Variants in ZNRF3 observed in about 807,000 individuals in gnomAD.
The protein encoded by ZNRF3 is E3 ubiquitin-protein ligase ZNRF3.
A neutral mutation model predicts 72.5 loss-of-function variants in ZNRF3; 23 were observed. That is an observed-to-expected ratio of 0.32 (90% CI 0.23 to 0.45). The LOEUF (loss-of-function observed/expected upper bound fraction) is 0.45. Among genes scored for constraint, ZNRF3 ranks in the 20% least tolerant of loss-of-function variants. The pLI is 1.00. For synonymous variants in ZNRF3, 610 were observed against 545.3 expected (o/e 1.12, Z -1.65); for missense variants, 1,169 against 1,272.1 (o/e 0.92, Z 1.23).
intron 1 of ZNRF3, among the ~76,000 whole-genome samples, chr22:28,935,462 C>G (rs1207145685): frequency 6.6e-6 from 1 of 152,180 alleles, no homozygotes; most frequent in African/African-American, 2.4e-5. Context: ...GTGCTCTGCC[C>G]ATGTCCTCAG....
intron 1 of ZNRF3, among the ~76,000 whole-genome samples, chr22:28,887,164 T>G (rs991483643): frequency 6.6e-6 from 1 of 151,928 alleles, no homozygotes; most frequent in Non-Finnish European, 1.5e-5. Flanking sequence ...AATTCTAAGA[T>G]AAGGAATTCG....
intron 2 of ZNRF3, among the ~76,000 whole-genome samples, chr22:29,028,482 A>G (rs2036686085): frequency 6.6e-6 from 1 of 152,210 alleles, no homozygotes; most frequent in African/African-American, 2.4e-5. Flanking sequence ...GAAATATAAT[A>G]CTTACATAAG....
chr22:28,918,563 TG>T (rs2034452270), intron 1 of ZNRF3, among the ~76,000 whole-genome samples: 1 of 151,682 alleles, frequency 6.6e-6, no homozygotes, highest in Admixed American at 6.6e-5. Context: ...TGTGTGTGTG[TG>T]TGTGTGTGTG....
intron 8 of ZNRF3, among the ~76,000 whole-genome samples, chr22:29,053,042 C>T (rs971483813): frequency 1.3e-5 from 2 of 152,100 alleles, no homozygotes; most frequent in South Asian, 4.2e-4. Context: ...CTGATGAGCT[C>T]CTGGTTCACT....
intron 4 of ZNRF3, among the ~76,000 whole-genome samples, chr22:29,044,260 G>A (rs1440474810): frequency 6.6e-6 from 1 of 152,046 alleles, no homozygotes; most frequent in Non-Finnish European, 1.5e-5. Flanking sequence ...GAGGGAGTTT[G>A]CTGAACTGAC....
chr22:29,019,279 G>A (rs1282890930), intron 2 of ZNRF3, among the ~76,000 whole-genome samples: 1 of 152,050 alleles, frequency 6.6e-6, no homozygotes, highest in African/African-American at 2.4e-5. Flanking sequence ...CTTGATGGGA[G>A]GAATCATAAA....
chr22:28,926,760 C>T lies in ZNRF3; in HGVS notation c.300+42694C>T, dbSNP rs1326246411. On this transcript the variant is annotated intron_variant, in intron 1 of 8. Coordinates refer to ENST00000544604, the MANE Select transcript of ZNRF3 (RefSeq NM_001206998.2). The stretch of plus-strand genomic sequence containing the variant: ...GTTACAGTGAGCCAAGATTGCACCA[C>T]TGCACTCCAGCTTGGGCAATGAGCG... Among the ~76,000 whole-genome samples the T allele has an allele frequency of 2.9e-4, 42 of 146,850 alleles. 1 individual carries two copies. The highest frequency in any genetic ancestry group is 1.8e-3 in the Admixed American group (26 of 14,706).
intron 2 of ZNRF3, among the ~76,000 whole-genome samples, chr22:29,034,146 A>G (rs2036819294): frequency 6.6e-6 from 1 of 152,180 alleles, no homozygotes; most frequent in East Asian, 1.9e-4. Context: ...GCTGCTTGCT[A>G]AGCAAGGTCT....
At chr22:28,904,085 G>GA (rs147841078) in intron 1 of ZNRF3, among the ~76,000 whole-genome samples, 21 of 149,004 alleles carry the variant, frequency 1.4e-4, no homozygotes, top group Middle Eastern at 6.8e-3. Context: ...GTCTAAACTG[G>GA]AAAAAAAAAA....
chr22:28,888,705 C>T (rs1208450140), intron 1 of ZNRF3, among the ~76,000 whole-genome samples: 2 of 152,202 alleles, frequency 1.3e-5, no homozygotes, highest in African/African-American at 4.8e-5. Context: ...CTCATCCTGA[C>T]ACTAACATGC....
chr22:28,906,868 C>G (rs1438112359), intron 1 of ZNRF3, among the ~76,000 whole-genome samples: 1 of 152,180 alleles, frequency 6.6e-6, no homozygotes, highest in Non-Finnish European at 1.5e-5. Context: ...TGATTGCTGC[C>G]AGCTCCCCCT....
chr22:29,018,221 G>C (rs2123857728), intron 2 of ZNRF3: 1 of 318,976 alleles, frequency 3.1e-6, no homozygotes, highest in Middle Eastern at 1.1e-3. Flanking sequence ...AAAGATTGGA[G>C]ACAGAGAAAC....
At chr22:28,961,626 C>T (rs1037099620) in intron 1 of ZNRF3, among the ~76,000 whole-genome samples, 3 of 152,290 alleles carry the variant, frequency 2.0e-5, no homozygotes, top group Admixed American at 6.5e-5. Context: ...ATTTGATACT[C>T]TTTAGTCTAC....
Position 29,046,896 on chromosome 22 carries a change from G to A in ZNRF3, c.912+13G>A. 2 of 1,536,112 alleles carry A rather than the reference G, an allele frequency of 1.3e-6. No individual in the cohort carries two copies. The highest frequency in any genetic ancestry group is 1.8e-6 in the Non-Finnish European group (2 of 1,135,366). Reference sequence around the variant, plus strand: ...CATTGATGGAGAGGTAATGGCAGAAGCAGGCCCGTCCTGGGTGGGGAAAAC... The same window carrying A: ...CATTGATGGAGAGGTAATGGCAGAAACAGGCCCGTCCTGGGTGGGGAAAAC... On this transcript the variant is annotated intron_variant, in intron 6 of 8. Transcript: ENST00000544604.
At chr22:28,991,157 C>A (rs917554300) in intron 2 of ZNRF3, among the ~76,000 whole-genome samples, 3 of 151,330 alleles carry the variant, frequency 2.0e-5, no homozygotes, top group African/African-American at 7.3e-5. Context: ...TGGTGCATGC[C>A]TGTGGTTTCA....
chr22:28,957,319 G>A (rs2035278980), intron 1 of ZNRF3, among the ~76,000 whole-genome samples: 1 of 152,202 alleles, frequency 6.6e-6, no homozygotes, highest in Non-Finnish European at 1.5e-5. Flanking sequence ...ACTCTTCACT[G>A]TGTCACTCAC....
chr22:28,895,149 A>C (rs1294098367), intron 1 of ZNRF3, among the ~76,000 whole-genome samples: 2 of 152,116 alleles, frequency 1.3e-5, no homozygotes, highest in Non-Finnish European at 2.9e-5. Flanking sequence ...TTCCCCAACC[A>C]ACCTGAGTGT....
At chr22:29,027,091 T>C (rs2036649842) in intron 2 of ZNRF3, 1 of 152,188 alleles carries the variant, frequency 6.6e-6, no homozygotes, top group African/African-American at 2.4e-5. Flanking sequence ...TCTTACCTCC[T>C]TAGCATCTTG....
At chr22:29,036,828 A>T (rs1220652440) in intron 2 of ZNRF3, among the ~76,000 whole-genome samples, 1 of 152,250 alleles carries the variant, frequency 6.6e-6, no homozygotes, top group African/African-American at 2.4e-5. Context: ...AAAAAATCAC[A>T]GCCATTTAAA....
Sources: gnomAD v4.1 joint callset for allele counts (sites outside exome capture counted in the v4.1 genomes callset) on GRCh38, gnomAD v4.1.1 for gene constraint, MANE v1.5 for transcripts, NCBI Gene and HGNC (gene_info 2026-07-23, HGNC 2026-07-21) for gene names.